The following C3 variants were observed in gnomAD, a reference collection of about 807,000 sequenced individuals.
C3 encodes the protein C3 and PZP-like alpha-2-macroglobulin domain-containing protein 1.
A neutral mutation model predicts 207.9 loss-of-function variants in C3; 97 were observed. The observed-to-expected ratio is 0.47, with a 90% CI of 0.40 to 0.55. The LOEUF (loss-of-function observed/expected upper bound fraction) is 0.55, where lower values mean the gene tolerates loss of function less well. Among genes scored for constraint, C3 ranks in the 20% least tolerant of loss-of-function variants. The pLI is 0.00. For synonymous variants in C3, 848 were observed against 857.6 expected (o/e 0.99, Z 0.20); for missense variants, 1,684 against 2,171.7 (o/e 0.78, Z 4.46).
In C3 at chr19:6,678,392, A is replaced by T; in HGVS notation, c.4694T>A (p.Ile1565Asn). 1 of 1,614,130 alleles carries T rather than the reference A, an allele frequency of 6.2e-7. No individual in the cohort carries two copies. The highest frequency in any genetic ancestry group is 1.1e-5 in the South Asian group (1 of 91,082). ...SNDFDEYIMA[I>N]EQTIKSGSDE... ...CTGACCTGACTTGATGGTCTGCTCA[A>T]TGGCCATGATGTACTCGTCAAAGTC... The change falls in exon 39 of 41, where the codon ATT becomes AAT. Residue 1565 changes from isoleucine (I) to asparagine (N), a missense_variant. Around this residue, in one of 3 missense-constraint regions of C3, gnomAD observed 346 missense variants for 380.1 expected, o/e 0.91. Transcript: ENST00000245907.
At chr19:6,688,058 G>A (rs186194254) in intron 27 of C3, among the ~76,000 whole-genome samples, 4 of 150,844 alleles carry the variant, frequency 2.7e-5, no homozygotes, top group East Asian at 2.0e-4. Context: ...GGGTTTCACC[G>A]TGGTCTCGAT....
intron 27 of C3, among the ~76,000 whole-genome samples, chr19:6,689,332 CCTCCCTCCCTCCCTCCCT>C (rs1918099870): frequency 1.1e-4 from 5 of 44,534 alleles, no homozygotes; most frequent in East Asian, 6.2e-4. Context: ...TACCTACCTC[CCTCCCTCCCTCCCTCCCT>C]CCCTCCCTCC....
At chr19:6,678,555 G>T in intron 38 of C3, 100 bp from the exon 39 acceptor site, 1 of 867,812 alleles carries the variant, frequency 1.2e-6, no homozygotes, top group Non-Finnish European at 1.9e-6. Context: ...TCTCTCCCAA[G>T]CAGAAAGTTG....
intron 27 of C3, among the ~76,000 whole-genome samples, chr19:6,689,365 CTCTCT>C (rs1918112274): frequency 1.5e-5 from 2 of 129,264 alleles, no homozygotes; most frequent in East Asian, 2.4e-4. Context: ...CCCTCCCTCT[CTCTCT>C]CTCTCTCTCT....
rs771391262 is a variant in C3, at chr19:6,693,498, G to A, written c.3155-11C>T. On this transcript the variant is annotated splice_polypyrimidine_tract_variant and intron_variant, in intron 24 of 40. Transcript: ENST00000245907. The stretch of plus-strand genomic sequence containing the variant: ...GCTGCTGGGTGTACCCTGCAGAGAA[G>A]AGAGAGGAACCCCCAAAAGAGCCGG... The A allele has an allele frequency of 6.2e-6, 10 of 1,610,052 alleles. No individual in the cohort carries two copies. Among genetic ancestry groups the A allele is most frequent in the African/African-American group, 2.7e-5 (2 of 74,884 alleles).
rs140780068 is a variant in C3, at chr19:6,697,485, G to A, written c.2655C>T (p.Thr885=). The change falls in exon 21 of 41, where the codon ACC becomes ACT. Residue 885 remains threonine, a synonymous_variant. Transcript: ENST00000245907. ...LATTKRRHQQ[T]VTIPPKSSLS... ...ACGAGGACTTGGGGGGGATGGTTAC[G>A]GTCTGCTGGTGACGCCTCTTGGTGG... 15 of 1,613,994 alleles carry A rather than the reference G, an allele frequency of 9.3e-6. No homozygotes were observed. The highest frequency in any genetic ancestry group is 1.6e-4 in the Middle Eastern group (1 of 6,062).
intron 19 of C3, among the ~76,000 whole-genome samples, chr19:6,698,669 A>C (rs1599511250): frequency 6.6e-6 from 1 of 152,236 alleles, no homozygotes; most frequent in East Asian, 1.9e-4. Flanking sequence ...TGATCGCACC[A>C]CTGTGCTCCA....
chr19:6,694,422 G>A lies in C3; in HGVS notation c.3154+9C>T, dbSNP rs771384649. ...TCCCTGGGGTCTCCAAGAGGGGCAGGGAGCCCACCCTTCTTGATGAGCTCC... is the reference window on the plus strand; with the variant it reads ...TCCCTGGGGTCTCCAAGAGGGGCAGAGAGCCCACCCTTCTTGATGAGCTCC... On this transcript the variant is annotated intron_variant, in intron 24 of 40. Transcript: ENST00000245907. 2 of 1,613,608 alleles carry A rather than the reference G, an allele frequency of 1.2e-6. No homozygotes were observed. Among genetic ancestry groups the A allele is most frequent in the South Asian group, 2.2e-5 (2 of 91,086 alleles).
chr19:6,707,077 C>G lies in C3; in HGVS notation c.2244G>C (p.Arg748Ser). Residue 748 changes from arginine to serine, a missense_variant and splice_region_variant, in exon 17 of 41, where the codon AGG (arginine) becomes AGC (serine). Physicochemically the swap from Arg to Ser is moderately radical, Grantham distance 110. Coordinates refer to ENST00000245907, the MANE Select transcript of C3 (RefSeq NM_000064.4). ...HARASHLGLA[R>S]SNLDEDIIAE... is the part of the protein sequence containing the mutation. ...CTGTCCCCACCCCGTGGGACCTACT[C>G]CTGGCCAGGCCCAGGTGGCTGGCCC... 6.2e-7 allele frequency: 1 copy of G among 1,609,674 alleles called. No homozygotes were observed. The highest frequency in any genetic ancestry group is 8.5e-7 in the Non-Finnish European group (1 of 1,178,728).
intron 16 of C3, 44 bp downstream of exon 16, chr19:6,707,422 T>A: frequency 8.1e-6 from 13 of 1,609,586 alleles, no homozygotes; most frequent in Non-Finnish European, 1.1e-5. Flanking sequence ...TGGGGTCTCC[T>A]GGGGTGGGGC....
rs1198011727 is a variant in C3, at chr19:6,707,823, C to T, written c.1952G>A (p.Gly651Asp). Residue 651 changes from glycine to aspartate, a missense_variant, in exon 15 of 41, where the codon GGC becomes GAC. Transcript: ENST00000245907. ...DAGLTFTSSS[G>D]QQTAQRAELQ... ...ACCTGCCCTCTGGGCGGTCTGCTGG[C>T]CACTGCTGCTCGTGAAGGTCAGCCC... 1 of 1,613,670 alleles carries T rather than the reference C, an allele frequency of 6.2e-7. No homozygotes were observed. Among genetic ancestry groups the T allele is most frequent in the Non-Finnish European group, 8.5e-7 (1 of 1,180,008 alleles).
In C3 at chr19:6,713,237, G is replaced by A. The variant is rs776356505; in HGVS notation, c.955C>T (p.Leu319=). 1.2e-6 allele frequency: 2 copies of A among 1,613,714 alleles called. No homozygotes were observed. The highest frequency in any genetic ancestry group is 1.7e-5 in the Admixed American group (1 of 60,010). ...DGVQNPRAED[L]VGKSLYVSAT... ...GACACGTACAAAGACTTCCCCACCA[G>A]GTCTTCTGCTCGGGGGTTCTGCACC... Residue 319 remains leucine (L), a synonymous_variant, in exon 9 of 41, where the codon CTG becomes TTG. Coordinates refer to ENST00000245907, the MANE Select transcript of C3 (RefSeq NM_000064.4).
intron 24 of C3, 25 bp from the exon 25 acceptor site, chr19:6,693,512 CA>C (rs1568215475): frequency 1.3e-6 from 2 of 1,598,190 alleles, no homozygotes; most frequent in Admixed American, 3.4e-5. Context: ...GAGGAACCCC[CA>C]AAAGAGCCGG....
At position 6,686,208 on chromosome 19, in the gene C3, C is replaced by A. The variant is rs773963253; in HGVS notation, c.3726G>T (p.Gln1242His). ...GAGGCACAAAGTCAAAGTCTTTTAG[C>A]TGCAGTAGGGCCAAGAGGGCATAGG... ...ATSYALLALL[Q>H]LKDFDFVPPV... The change falls in exon 29 of 41, where the codon CAG becomes CAT. Residue 1242 changes from glutamine to histidine, a missense_variant. Gln to His is a conservative substitution (Grantham distance 24, BLOSUM62 0). Transcript: ENST00000245907. 1 of 1,614,176 alleles carries A rather than the reference C, an allele frequency of 6.2e-7. No homozygotes were observed. The highest frequency in any genetic ancestry group is 8.5e-7 in the Non-Finnish European group (1 of 1,180,022).
In C3 at chr19:6,707,520, G is replaced by T; in HGVS notation, c.1993C>A (p.Pro665Thr). 6.2e-7 allele frequency: 1 copy of T among 1,614,090 alleles called. No homozygotes were observed. Among genetic ancestry groups the T allele is most frequent in the Non-Finnish European group, 8.5e-7 (1 of 1,179,978 alleles). ...AQRAELQCPQ[P>T]AARRRRSVQL... is the part of the protein sequence containing the mutation. ...ACGGAACGGCGTCGGCGGGCGGCTG[G>T]CTGCGGGCACTGAAGTTCTGCAGGG... The change falls in exon 16 of 41, where the codon CCA becomes ACA. Residue 665 changes from proline (P) to threonine (T), a missense_variant. By Grantham distance (38) the Pro-to-Thr change is conservative (BLOSUM62 -1). This residue lies in a region of C3 where 1,280 missense variants were observed against 1,739.1 expected (regional missense o/e 0.74). Transcript: ENST00000245907.
chr19:6,716,423 A>T (rs534283355), intron 4 of C3: 4 of 152,144 alleles, frequency 2.6e-5, no homozygotes, highest in African/African-American at 9.6e-5. Flanking sequence ...TTTTGTAGAG[A>T]CAGGGTCTGG....
intron 21 of C3, 59 bp from the exon 22 acceptor site, chr19:6,696,718 C>A: frequency 1.3e-6 from 2 of 1,501,472 alleles, no homozygotes; most frequent in Non-Finnish European, 1.9e-6. Context: ...GACAGACACA[C>A]AGATGGTCAG....
Position 6,697,734 on chromosome 19 carries a change from C to T in C3, c.2501G>A (p.Arg834Gln), listed in dbSNP as rs1967570872. The change falls in exon 20 of 41, where the codon CGG (arginine) becomes CAG (glutamine). Residue 834 changes from arginine to glutamine, a missense_variant. Physicochemically the swap from Arg to Gln is conservative, Grantham distance 43. Coordinates refer to ENST00000245907, the MANE Select transcript of C3 (RefSeq NM_000064.4). ...TVMQDFFIDL[R>Q]LPYSVVRNEQ... ...GTTTCGAACAACAGAGTAGGGTAGC[C>T]GCAGGTCGATGAAGAAGTCCTGCAT... The T allele has an allele frequency of 3.1e-6, 5 of 1,613,902 alleles. No individual in the cohort carries two copies. The highest frequency in any genetic ancestry group is 4.2e-6 in the Non-Finnish European group (5 of 1,179,980).
intron 21 of C3, 79 bp from the exon 22 acceptor site, chr19:6,696,738 G>T: frequency 1.5e-6 from 2 of 1,378,398 alleles, no homozygotes; most frequent in Non-Finnish European, 2.1e-6. Context: ...GCAGGGCACT[G>T]TCCTTAGGAT....
Sources: allele counts gnomAD v4.1 joint callset (sites outside exome capture counted in the v4.1 genomes callset), GRCh38; gene constraint gnomAD v4.1.1; regional missense constraint gnomAD v4.1.1; transcripts MANE v1.5; gene names NCBI Gene and HGNC (gene_info 2026-07-23, HGNC 2026-07-21).